The following LMO3 variants were observed in gnomAD, a reference collection of about 807,000 sequenced individuals.
LMO3 encodes LIM domain only protein 3.
Under a neutral mutation model 15.8 loss-of-function variants are expected in LMO3, and 2 were observed. The observed-to-expected ratio is 0.13, with a 90% CI of 0.05 to 0.40. LMO3 has a LOEUF of 0.40. LMO3 is among the 10% of genes least tolerant of loss of function. The pLI is 0.99. For missense variants in LMO3, 86 were observed against 182.2 expected, an observed-to-expected ratio of 0.47 and a Z score of 3.04; for synonymous variants, 62 against 63.8, an observed-to-expected ratio of 0.97 and a Z score of 0.13.
In LMO3 at chr12:16,583,198, A is replaced by T. The variant is rs547583091; in HGVS notation, c.206+17457T>A. Among the ~76,000 whole-genome samples, 57 of 152,318 alleles carry T rather than the reference A, an allele frequency of 3.7e-4. No individual in the cohort carries two copies. In the South Asian group the frequency reaches 8.1e-3, roughly 22 times the overall value. On this transcript the variant is annotated intron_variant, in intron 2 of 3. Coordinates refer to ENST00000537304, the MANE Select transcript of LMO3 (RefSeq NM_018640.5). ...AATGCCCATTGGCTTTAGCAATTGG[A>T]TGTCAGTAACAGCAGTATCAGCAGA...
intron 2 of LMO3, chr12:16,594,119 A>G: frequency 6.5e-7 from 1 of 1,531,478 alleles, no homozygotes; most frequent in Non-Finnish European, 8.7e-7. Flanking sequence ...TTTGAATTTT[A>G]CAAGTTTTAA....
Position 16,584,005 on chromosome 12 carries a change from A to T in LMO3, c.206+16650T>A, listed in dbSNP as rs189055197. ...GATTCCTGAGATGAAATACTTTTCC[A>T]TAAGGAAAAGACACTGTATATAATT... On this transcript the variant is annotated intron_variant, in intron 2 of 3. Transcript: ENST00000537304. The surrounding 1 kb of genome is among the most constrained non-coding windows in gnomAD (Gnocchi z 5.2). Among the ~76,000 whole-genome samples the T allele has an allele frequency of 3.8e-3, 583 of 152,344 alleles. 3 individuals are homozygous for T. Among genetic ancestry groups the T allele is most frequent in the Admixed American group, 6.3e-3 (97 of 15,298 alleles).
chr12:16,591,522 G>GT lies in LMO3; in HGVS notation c.206+9132dup. Among the ~76,000 whole-genome samples the GT allele has an allele frequency of 9.9e-6, 1 of 101,488 alleles. No individual in the cohort carries two copies. The highest frequency in any genetic ancestry group is 3.0e-4 in the East Asian group (1 of 3,338). The allele number at this position is 101,488 out of a possible 152,430, so 66.6% of individuals were successfully genotyped here. ...AATATAAACTCTACAAGGGGAGCAG[G>GT]TATTTTTGTGTTTTATTTAGTGCTT... On this transcript the variant is annotated intron_variant, in intron 2 of 3. Coordinates refer to ENST00000537304, the MANE Select transcript of LMO3 (RefSeq NM_018640.5). The surrounding 1 kb of genome is among the most constrained non-coding windows in gnomAD (Gnocchi z 4.1).
chr12:16,588,414 C>T (rs1943389632), intron 2 of LMO3, among the ~76,000 whole-genome samples: 1 of 151,766 alleles, frequency 6.6e-6, no homozygotes, highest in Admixed American at 6.6e-5. Context: ...TAAAGAAAAC[C>T]TAAAACAACC....
intron 3 of LMO3, 129 bp from the exon 4 acceptor site, chr12:16,551,456 T>C: frequency 3.3e-6 from 2 of 614,504 alleles, no homozygotes; most frequent in Non-Finnish European, 5.8e-6. Context: ...GCTTAGACAG[T>C]TGTCTTCATT....
At chr12:16,578,822 AAC>A (rs1565497686) in intron 2 of LMO3, among the ~76,000 whole-genome samples, 5,875 of 79,928 alleles carry the variant, frequency 0.074, 394 homozygotes, top group African/African-American at 0.22. Flanking sequence ...TGTCTCAAAC[AAC>A]AACAACAACA....
intron 2 of LMO3, among the ~76,000 whole-genome samples, chr12:16,565,126 G>A (rs751504866): frequency 2.0e-5 from 3 of 152,054 alleles, no homozygotes; most frequent in Non-Finnish European, 4.4e-5. Flanking sequence ...GACTAGTTTA[G>A]TTATAATCCT....
At position 16,593,996 on chromosome 12, in the gene LMO3, T is replaced by G. The variant is rs1943571944; in HGVS notation, c.206+6659A>C. The G allele has an allele frequency of 1.5e-6, 1 of 672,380 alleles. No homozygotes were observed. Among genetic ancestry groups the G allele is most frequent in the Non-Finnish European group, 2.4e-6 (1 of 424,734 alleles). The allele number at this position is 672,380 out of a possible 1,614,324, so 41.7% of individuals were successfully genotyped here. A position where few individuals can be genotyped will look rare whatever the true frequency, so the allele number is the denominator to read the frequency against. ...ATTTAAAATCACAAGGAAATAAATT[T>G]AGGCATTCTGTAGTTTTATAAAAGT... On this transcript the variant is annotated intron_variant, in intron 2 of 3. Transcript: ENST00000537304. This position sits in a 1 kb window ranked among gnomAD's most constrained non-coding sequence, Gnocchi z 4.2.
Position 16,548,548 on chromosome 12 carries a change from G to A in LMO3, c.*2674C>T, listed in dbSNP as rs1941873384. The A allele has an allele frequency of 1.3e-5, 2 of 152,222 alleles. No homozygotes were observed. Among genetic ancestry groups the A allele is most frequent in the East Asian group, 1.9e-4 (1 of 5,178 alleles). The allele number at this position is 152,222 out of a possible 1,614,324, so 9.4% of individuals were successfully genotyped here. A position where few individuals can be genotyped will look rare whatever the true frequency, so the allele number is the denominator to read the frequency against. On this transcript the variant is annotated 3_prime_UTR_variant, in exon 4 of 4. Coordinates refer to ENST00000537304, the MANE Select transcript of LMO3 (RefSeq NM_018640.5). This position sits in a 1 kb window ranked among gnomAD's most constrained non-coding sequence, Gnocchi z 4.2. ...GTCCTTCATCATAGGCAGCCTATGC[G>A]AGATGCATCTTAGGAAGGGAGCTTT... is the stretch of plus-strand genomic sequence containing the variant.
chr12:16,602,731 TC>T (rs1943862894), intron 1 of LMO3, among the ~76,000 whole-genome samples: 1 of 152,180 alleles, frequency 6.6e-6, no homozygotes, highest in Non-Finnish European at 1.5e-5. Context: ...GAACTAGTTA[TC>T]CTCTTCTAGC....
intron 3 of LMO3, among the ~76,000 whole-genome samples, chr12:16,553,404 T>C (rs1449546923): frequency 1.3e-5 from 2 of 152,170 alleles, no homozygotes; most frequent in Non-Finnish European, 2.9e-5. Context: ...ATTACTATTA[T>C]TTCTTTTGCA....
At chr12:16,570,216 G>A (rs961976956) in intron 2 of LMO3, among the ~76,000 whole-genome samples, 3 of 152,032 alleles carry the variant, frequency 2.0e-5, no homozygotes, top group African/African-American at 7.2e-5. Flanking sequence ...GGGTTTTCTA[G>A]GTGAAACTTT....
In LMO3 at chr12:16,604,104, G is replaced by A. The variant is rs1481707566; in HGVS notation, c.-9+1962C>T. Among the ~76,000 whole-genome samples the A allele has an allele frequency of 6.6e-6, 1 of 152,146 alleles. No individual in the cohort carries two copies. The highest frequency in any genetic ancestry group is 2.4e-5 in the African/African-American group (1 of 41,412). ...ATTTGGCCAACATGGCCATTCGATT[G>A]CCAAGAGGCACCAGACAAAAGATTT... On this transcript the variant is annotated intron_variant, in intron 1 of 3. Coordinates refer to ENST00000537304, the MANE Select transcript of LMO3 (RefSeq NM_018640.5). The surrounding 1 kb of genome is among the most constrained non-coding windows in gnomAD (Gnocchi z 5.3).
At chr12:16,556,791 T>C (rs573615495) in intron 3 of LMO3, among the ~76,000 whole-genome samples, 48 of 152,304 alleles carry the variant, frequency 3.2e-4, no homozygotes, top group Non-Finnish European at 5.6e-4. Context: ...GCTTGACTGA[T>C]GAAGATTAGC....
rs568698363 is a variant in LMO3, at chr12:16,603,008, C to T, written c.-8-2140G>A. 3.6e-4 allele frequency among the ~76,000 whole-genome samples: 55 copies of T among 151,744 alleles called. No individual in the cohort carries two copies. Among genetic ancestry groups the T allele is most frequent in the East Asian group, 1.4e-3 (7 of 5,158 alleles). Reference sequence around the variant, plus strand: ...TGAAAAATCGAAAAAAAAAAAAATCCCAGTAGCAGCTAAGTTATATTTCCC... The same window carrying T: ...TGAAAAATCGAAAAAAAAAAAAATCTCAGTAGCAGCTAAGTTATATTTCCC... On this transcript the variant is annotated intron_variant, in intron 1 of 3. Transcript: ENST00000537304. The surrounding 1 kb of genome is among the most constrained non-coding windows in gnomAD (Gnocchi z 4.9).
chr12:16,581,319 T>C (rs1333063203), intron 2 of LMO3, among the ~76,000 whole-genome samples: 1 of 152,178 alleles, frequency 6.6e-6, no homozygotes. Context: ...GAACTTTGAC[T>C]AAATGACTTA....
chr12:16,556,276 C>G (rs1942186139), intron 3 of LMO3, among the ~76,000 whole-genome samples: 1 of 152,078 alleles, frequency 6.6e-6, no homozygotes, highest in African/African-American at 2.4e-5. Context: ...TAGAATCTTC[C>G]AATTCTGAAT....
chr12:16,603,889 A>AT lies in LMO3; in HGVS notation c.-9+2176dup, dbSNP rs879276758. On this transcript the variant is annotated intron_variant, in intron 1 of 3. Transcript: ENST00000537304. This position sits in a 1 kb window ranked among gnomAD's most constrained non-coding sequence, Gnocchi z 4.9. ...TTGCAGCACTTAGACACAGTCTTAC[A>AT]TTTTTGGACTAACTACACAGAGTGA... 3.0e-4 allele frequency among the ~76,000 whole-genome samples: 46 copies of AT among 152,184 alleles called. No individual in the cohort carries two copies. The highest frequency in any genetic ancestry group is 7.9e-4 in the Admixed American group (12 of 15,280).
intron 2 of LMO3, among the ~76,000 whole-genome samples, chr12:16,579,090 AG>A (rs957236574): frequency 3.9e-5 from 6 of 152,178 alleles, no homozygotes; most frequent in Admixed American, 3.3e-4. Flanking sequence ...TTTTTTAAAA[AG>A]GCACTGATTA....
Sources: gnomAD v4.1 joint callset for allele counts (sites outside exome capture counted in the v4.1 genomes callset) on GRCh38, gnomAD v4.1.1 for gene constraint, Gnocchi (gnomAD v3.1) non-coding constraint, MANE v1.5 for transcripts, NCBI Gene and HGNC (gene_info 2026-07-23, HGNC 2026-07-21) for gene names.